The following TCEANC2 variants were observed in gnomAD, a reference collection of about 807,000 sequenced individuals.
TCEANC2 encodes the protein transcription elongation factor A N-terminal and central domain containing 2, also known as transcription elongation factor A N-terminal and central domain-containing protein 2.
A neutral mutation model predicts 22.8 loss-of-function variants in TCEANC2; 20 were observed. The ratio of observed to expected loss-of-function variants is 0.88; its 90% confidence interval spans 0.62 to 1.28. The LOEUF (loss-of-function observed/expected upper bound fraction) is 1.28. TCEANC2 is among the 50% of genes most tolerant of loss of function. The pLI is 0.00. For synonymous variants in TCEANC2, 84 were observed against 95.5 expected (o/e 0.88, Z 0.70); for missense variants, 251 against 249.7 (o/e 1.01, Z -0.03).
At chr1:54,057,725 T>G (rs1280858029) in intron 2 of TCEANC2, among the ~76,000 whole-genome samples, 1 of 152,164 alleles carries the variant, frequency 6.6e-6, no homozygotes, top group Non-Finnish European at 1.5e-5. Context: ...CTTCAATAAT[T>G]TCTCATTACC....
intron 2 of TCEANC2, among the ~76,000 whole-genome samples, chr1:54,064,905 G>A (rs568226887): frequency 1.6e-4 from 25 of 152,016 alleles, no homozygotes; most frequent in African/African-American, 2.7e-4. Context: ...TTGCCATGTC[G>A]GCCAGGCTGG....
chr1:54,066,162 A>T (rs1010365854), intron 2 of TCEANC2, among the ~76,000 whole-genome samples: 21 of 152,026 alleles, frequency 1.4e-4, no homozygotes, highest in African/African-American at 5.1e-4. Flanking sequence ...TGGCAGGAGG[A>T]TTGCTTGAGC....
At chr1:54,109,855 G>A (rs1001036047), downstream of TCEANC2, among the ~76,000 whole-genome samples, 5 of 152,214 alleles carry the variant, frequency 3.3e-5, no homozygotes, top group African/African-American at 4.8e-5. Context: ...GAAGCACTAA[G>A]GGTTGGATTA....
chr1:54,060,958 A>C (rs961803063), intron 2 of TCEANC2, among the ~76,000 whole-genome samples: 6 of 152,074 alleles, frequency 3.9e-5, no homozygotes, highest in African/African-American at 1.4e-4. Context: ...AAACAAAAAA[A>C]AAAAGAGGTA....
intron 2 of TCEANC2, among the ~76,000 whole-genome samples, chr1:54,059,893 A>G (rs753106190): frequency 3.3e-5 from 5 of 152,252 alleles, no homozygotes; most frequent in African/African-American, 4.8e-5. Context: ...GCTAAGTACT[A>G]TAGAGAACAT....
intron 2 of TCEANC2, among the ~76,000 whole-genome samples, chr1:54,063,517 A>C (rs1383013533): frequency 6.6e-6 from 1 of 152,164 alleles, no homozygotes; most frequent in East Asian, 1.9e-4. Context: ...TGTATAGTCT[A>C]AATCATTTCT....
At chr1:54,065,424 A>G (rs1163353939) in intron 2 of TCEANC2, among the ~76,000 whole-genome samples, 3 of 152,188 alleles carry the variant, frequency 2.0e-5, no homozygotes, top group Non-Finnish European at 4.4e-5. Flanking sequence ...CATCTTAAAC[A>G]TTGTAAGGGT....
At chr1:54,072,487 CCTGGGTT>C (rs1360431266) in intron 3 of TCEANC2, among the ~76,000 whole-genome samples, 2 of 152,136 alleles carry the variant, frequency 1.3e-5, no homozygotes, top group African/African-American at 4.8e-5. Context: ...ACCTCTGCCT[CCTGGGTT>C]CCAGCAATTC....
chr1:54,079,643 T>G (rs913957442), intron 3 of TCEANC2, among the ~76,000 whole-genome samples: 6 of 152,204 alleles, frequency 3.9e-5, no homozygotes, highest in African/African-American at 1.4e-4. Context: ...TTCTGCCTCT[T>G]CTTCACTTTT....
At chr1:54,087,495 G>C (rs1448496903) in intron 3 of TCEANC2, among the ~76,000 whole-genome samples, 1 of 152,152 alleles carries the variant, frequency 6.6e-6, no homozygotes, top group African/African-American at 2.4e-5. Flanking sequence ...ACATACTTCA[G>C]TATGCATCTC....
At chr1:54,071,702 G>A (rs1658058502) in intron 3 of TCEANC2, among the ~76,000 whole-genome samples, 1 of 152,166 alleles carries the variant, frequency 6.6e-6, no homozygotes, top group South Asian at 2.1e-4. Flanking sequence ...AGCCTAACTT[G>A]TAGACTGGCT....
In TCEANC2 at chr1:54,100,393, C is replaced by T. The variant is rs1658639842; in HGVS notation, c.*3920C>T. ...AAGGACTAGACTGGCACTGGGGACACAGCAATAAAGGAGAGATAATTTCCT... is the reference window on the plus strand; with the variant it reads ...AAGGACTAGACTGGCACTGGGGACATAGCAATAAAGGAGAGATAATTTCCT... On this transcript the variant is annotated 3_prime_UTR_variant, in exon 5 of 5. Transcript: ENST00000234827. The T allele has an allele frequency of 6.6e-6, 1 of 152,106 alleles. No individual in the cohort carries two copies. The highest frequency in any genetic ancestry group is 1.5e-5 in the Non-Finnish European group (1 of 68,030). The allele number at this position is 152,106 out of a possible 1,614,324, so 9.4% of individuals were successfully genotyped here.
At chr1:54,074,811 A>T (rs1275629638) in intron 3 of TCEANC2, among the ~76,000 whole-genome samples, 1 of 152,234 alleles carries the variant, frequency 6.6e-6, no homozygotes, top group South Asian at 2.1e-4. Context: ...GGAGTGAAGA[A>T]GATGTATGAA....
At chr1:54,053,824 G>C (rs1657679574) in intron 1 of TCEANC2, 66 bp downstream of exon 1, 1 of 153,306 alleles carries the variant, frequency 6.5e-6, no homozygotes, top group Non-Finnish European at 1.5e-5. Context: ...GGAACGAGGA[G>C]GATGGGGTTT....
rs752058466 is a variant in TCEANC2, at chr1:54,054,347, TG to T, written c.-42-30del. 1.3e-5 allele frequency: 21 copies of T among 1,584,804 alleles called. No individual in the cohort carries two copies. In the African/African-American group the frequency reaches 2.8e-4, roughly 21 times the overall value. On this transcript the variant is annotated intron_variant, in intron 1 of 4. Coordinates refer to ENST00000234827, the MANE Select transcript of TCEANC2 (RefSeq NM_153035.3). Reference sequence around the variant, plus strand: ...GAAAAAATATCATGGCAGTCTTTAGTGGGGTTTTAGAATCTGCCCTCTTTCT... The same window carrying T: ...GAAAAAATATCATGGCAGTCTTTAGTGGGTTTTAGAATCTGCCCTCTTTCT...
chr1:54,104,564 G>T lies in TCEANC2; in HGVS notation c.*8091G>T, dbSNP rs1220892516. 2.2e-6 allele frequency: 1 copy of T among 454,278 alleles called. No homozygotes were observed. The highest frequency in any genetic ancestry group is 4.4e-6 in the Non-Finnish European group (1 of 225,886). 28.1% of individuals were successfully genotyped at this position (454,278 alleles called of 1,614,324 possible). ...AATTTTTTTTTCTTTTTCTTTTTCA[G>T]AGGTGGAGTCTCTGTCACCCAGGCT... is the stretch of plus-strand genomic sequence containing the variant. On this transcript the variant is annotated 3_prime_UTR_variant, in exon 5 of 5. Coordinates refer to ENST00000234827, the MANE Select transcript of TCEANC2 (RefSeq NM_153035.3).
rs1470130160 is a variant in TCEANC2, at chr1:54,076,225, G to C, written c.244+7328G>C. Reference sequence around the variant, plus strand: ...GTATTAAACCTAGTACCCAATAGTTGTGTTTTCTGCTCATTACCCTTCTTC... The same window carrying C: ...GTATTAAACCTAGTACCCAATAGTTCTGTTTTCTGCTCATTACCCTTCTTC... On this transcript the variant is annotated intron_variant, in intron 3 of 4. Transcript: ENST00000234827. Among the ~76,000 whole-genome samples the C allele has an allele frequency of 3.3e-5, 5 of 152,242 alleles. No homozygotes were observed. The East Asian group carries it at 5.8e-4, about 18-fold the overall frequency.
intron 2 of TCEANC2, among the ~76,000 whole-genome samples, chr1:54,064,715 T>TGG (rs1553169046): frequency 5.7e-5 from 6 of 105,286 alleles, no homozygotes; most frequent in Admixed American, 2.2e-4. Context: ...TTTTTTTTTT[T>TGG]GGGGGACGGA....
intron 2 of TCEANC2, among the ~76,000 whole-genome samples, chr1:54,063,099 T>C (rs538876962): frequency 6.6e-6 from 1 of 152,284 alleles, no homozygotes; most frequent in South Asian, 2.1e-4. Flanking sequence ...CCAGGGAACA[T>C]TGAATCCAGA....
Sources: gnomAD v4.1 joint callset for allele counts (sites outside exome capture counted in the v4.1 genomes callset) on GRCh38, gnomAD v4.1.1 for gene constraint, MANE v1.5 for transcripts, NCBI Gene and HGNC (gene_info 2026-07-23, HGNC 2026-07-21) for gene names.